The following ETV5 variants were observed in gnomAD, a reference collection of about 807,000 sequenced individuals.
ETV5 encodes the protein ETS variant transcription factor 5.
Under a neutral mutation model 70.0 loss-of-function variants are expected in ETV5, and 10 were observed. The ratio of observed to expected loss-of-function variants is 0.14; its 90% CI spans 0.09 to 0.24. ETV5 has a LOEUF of 0.24. Among genes scored for constraint, ETV5 ranks in the 10% least tolerant of loss-of-function variants. ETV5 has a pLI of 1.00. For missense variants in ETV5, 453 were observed against 651.2 expected (o/e 0.70, Z 3.31); for synonymous variants, 216 against 242.2 (o/e 0.89, Z 1.01).
chr3:186,064,549 C>A, intron 8 of ETV5, 73 bp from the exon 9 acceptor site: 1 of 1,459,880 alleles, frequency 6.8e-7, no homozygotes, highest in Non-Finnish European at 9.6e-7. Context: ...CGGTCAACTG[C>A]AGCTCTGTGG....
rs536772887 is a variant in ETV5 at position 186,101,929 on chromosome 3, G to T, written c.232+3376C>A. Among the ~76,000 whole-genome samples, 30 of 152,276 alleles carry T rather than the reference G, an allele frequency of 2.0e-4. No homozygotes were observed. In the South Asian group the frequency reaches 2.7e-3, roughly 14 times the overall value. Reference sequence around the variant, plus strand: ...ACTGGTAGAATCCCTATGATCTATAGATTTCTATTCCCTTGAATTTGACCT... The same window carrying T: ...ACTGGTAGAATCCCTATGATCTATATATTTCTATTCCCTTGAATTTGACCT... On this transcript the variant is annotated intron_variant, in intron 5 of 12. Transcript: ENST00000306376.
intron 7 of ETV5, among the ~76,000 whole-genome samples, chr3:186,068,696 C>T (rs775538114): frequency 2.0e-5 from 3 of 152,098 alleles, no homozygotes; most frequent in Non-Finnish European, 4.4e-5. Context: ...GTATTATCCT[C>T]CAAATGCTCC....
intron 1 of ETV5, 29 bp downstream of exon 1, chr3:186,108,911 T>TC (rs1458855003): frequency 1.2e-5 from 2 of 161,426 alleles, no homozygotes; most frequent in Admixed American, 1.3e-4. Flanking sequence ...CCTTCCGATC[T>TC]CCCCCCTGCC....
At chr3:186,092,480 C>G (rs961497293) in intron 5 of ETV5, among the ~76,000 whole-genome samples, 1 of 152,144 alleles carries the variant, frequency 6.6e-6, no homozygotes, top group Non-Finnish European at 1.5e-5. Flanking sequence ...GTGACCCAGG[C>G]TAGAGAGCAA....
intron 5 of ETV5, among the ~76,000 whole-genome samples, chr3:186,084,856 C>T (rs1384285536): frequency 6.6e-6 from 1 of 151,966 alleles, no homozygotes; most frequent in African/African-American, 2.4e-5. Context: ...TTTTTTTCAA[C>T]TAAACAAAAA....
At chr3:186,092,667 C>G (rs1000650604) in intron 5 of ETV5, among the ~76,000 whole-genome samples, 1 of 151,876 alleles carries the variant, frequency 6.6e-6, no homozygotes, top group Non-Finnish European at 1.5e-5. Context: ...CTCCTGGCAT[C>G]ATATGATCCT....
At chr3:186,108,366 A>G (rs910366282) in intron 1 of ETV5, 3 of 569,382 alleles carry the variant, frequency 5.3e-6, no homozygotes, top group Non-Finnish European at 9.1e-6. Context: ...GGGTGGGAGC[A>G]GGGCGACTGG....
intron 5 of ETV5, among the ~76,000 whole-genome samples, chr3:186,093,213 T>C (rs1432949042): frequency 1.3e-5 from 2 of 152,082 alleles, no homozygotes; most frequent in East Asian, 1.9e-4. Flanking sequence ...AAGATGAAAA[T>C]GGTGATTTTA....
intron 7 of ETV5, among the ~76,000 whole-genome samples, chr3:186,071,921 C>A (rs1335225043): frequency 1.3e-5 from 2 of 151,700 alleles, no homozygotes; most frequent in Admixed American, 6.6e-5. Context: ...ACTCAGCCTC[C>A]CAAGTAGCTG....
Position 186,107,902 on chromosome 3 carries a change from C to A in ETV5, c.-75+1038G>T, listed in dbSNP as rs545140112. ...CCATTCATGAAAACTCCTTCAGCTG[C>A]GCCCCCGCCCCCATTTCCAACGCAC... On this transcript the variant is annotated intron_variant, in intron 1 of 12. Coordinates refer to ENST00000306376, the MANE Select transcript of ETV5 (RefSeq NM_004454.3). Among the ~76,000 whole-genome samples, 32 of 152,074 alleles carry A rather than the reference C, an allele frequency of 2.1e-4. No individual in the cohort carries two copies. In the South Asian group the frequency reaches 6.6e-3, roughly 32 times the overall value.
At chr3:186,090,607 G>T (rs765912902) in intron 5 of ETV5, among the ~76,000 whole-genome samples, 8 of 152,138 alleles carry the variant, frequency 5.3e-5, no homozygotes, top group Non-Finnish European at 1.2e-4. Flanking sequence ...TGTAAAACAC[G>T]TTTAGGACAA....
At chr3:186,104,622 A>T (rs1409236806) in intron 5 of ETV5, among the ~76,000 whole-genome samples, 1 of 152,182 alleles carries the variant, frequency 6.6e-6, no homozygotes, top group East Asian at 1.9e-4. Flanking sequence ...CAAGGACTTA[A>T]TTTATAAAAC....
intron 5 of ETV5, chr3:186,084,122 T>A (rs1305950395): frequency 4.8e-6 from 2 of 412,494 alleles, no homozygotes; most frequent in African/African-American, 2.1e-5. Context: ...CAGATGGTGC[T>A]ATGATGTTGT....
At chr3:186,070,930 G>C (rs1713616440) in intron 7 of ETV5, among the ~76,000 whole-genome samples, 1 of 152,206 alleles carries the variant, frequency 6.6e-6, no homozygotes, top group Non-Finnish European at 1.5e-5. Flanking sequence ...GAGTGCACGT[G>C]TAAGGAACTC....
At chr3:186,070,752 G>T (rs1713611911) in intron 7 of ETV5, among the ~76,000 whole-genome samples, 1 of 152,192 alleles carries the variant, frequency 6.6e-6, no homozygotes, top group African/African-American at 2.4e-5. Flanking sequence ...CAGTCCTTTT[G>T]AAGTATCTAA....
intron 7 of ETV5, among the ~76,000 whole-genome samples, chr3:186,068,793 G>A (rs1713517891): frequency 1.3e-5 from 2 of 152,230 alleles, no homozygotes; most frequent in African/African-American, 2.4e-5. Flanking sequence ...GAAGGTGGTT[G>A]TGGAAGGCTG....
chr3:186,106,831 G>T, intron 1 of ETV5: 2 of 480,546 alleles, frequency 4.2e-6, no homozygotes, highest in Middle Eastern at 1.0e-3. Context: ...TTCTCCTAAC[G>T]TGAGTGGAAT....
At chr3:186,100,310 T>G (rs1292742087) in intron 5 of ETV5, among the ~76,000 whole-genome samples, 4 of 152,230 alleles carry the variant, frequency 2.6e-5, no homozygotes, top group Non-Finnish European at 5.9e-5. Flanking sequence ...ATTTTTAAAG[T>G]GCCCACTGTT....
intron 7 of ETV5, among the ~76,000 whole-genome samples, chr3:186,070,108 G>A (rs1235559945): frequency 2.0e-5 from 3 of 152,166 alleles, no homozygotes; most frequent in South Asian, 2.1e-4. Flanking sequence ...CACGGCGCCC[G>A]GCCGAAGATA....
Sources: allele counts gnomAD v4.1 joint callset (sites outside exome capture counted in the v4.1 genomes callset), GRCh38; gene constraint gnomAD v4.1.1; transcripts MANE v1.5; gene names NCBI Gene and HGNC (gene_info 2026-07-23, HGNC 2026-07-21).